Variants in GPR141 observed in about 807,000 individuals in gnomAD.
The protein encoded by GPR141 is probable G protein-coupled receptor 141.
Under a neutral mutation model 6.8 loss-of-function variants are expected in GPR141, and 6 were observed. That is an observed-to-expected ratio of 0.88 (90% CI 0.48 to 1.74). The LOEUF (loss-of-function observed/expected upper bound fraction) is 1.74, where lower values mean the gene tolerates loss of function less well. GPR141 is among the 40% of genes most tolerant of loss of function. The pLI is 0.01. For missense variants in GPR141, 372 were observed against 372.9 expected, an observed-to-expected ratio of 1.00 and a Z score of 0.02; for synonymous variants, 140 against 142.3, an observed-to-expected ratio of 0.98 and a Z score of 0.11.
At chr7:37,699,715 A>T (rs1249204979) in intron 2 of GPR141, among the ~76,000 whole-genome samples, 1 of 152,248 alleles carries the variant, frequency 6.6e-6, no homozygotes, top group Non-Finnish European at 1.5e-5. Flanking sequence ...TTGGATTTTT[A>T]AAAATGTATT....
intron 2 of GPR141, among the ~76,000 whole-genome samples, chr7:37,732,367 C>T (rs911490638): frequency 1.3e-4 from 20 of 151,718 alleles, no homozygotes; most frequent in Non-Finnish European, 2.2e-4. Context: ...TGATGAGTTG[C>T]GAGAGTCTGC....
chr7:37,712,471 G>T (rs1810847446), intron 2 of GPR141, among the ~76,000 whole-genome samples: 1 of 152,098 alleles, frequency 6.6e-6, no homozygotes. Flanking sequence ...ACTGAATATT[G>T]CTTCTGTTTG....
intron 2 of GPR141, among the ~76,000 whole-genome samples, chr7:37,719,395 C>A (rs1472626416): frequency 1.3e-5 from 2 of 152,188 alleles, no homozygotes; most frequent in Admixed American, 1.3e-4. Flanking sequence ...CAAGAAGTTT[C>A]CTGATAATGC....
At chr7:37,715,156 T>G (rs1395929406) in intron 2 of GPR141, among the ~76,000 whole-genome samples, 3 of 152,236 alleles carry the variant, frequency 2.0e-5, no homozygotes, top group Non-Finnish European at 4.4e-5. Context: ...AGTCTCACTC[T>G]GTTGCCCAGG....
intron 2 of GPR141, among the ~76,000 whole-genome samples, chr7:37,710,215 C>T (rs1178381502): frequency 6.6e-6 from 1 of 151,588 alleles, no homozygotes; most frequent in Non-Finnish European, 1.5e-5. Flanking sequence ...TTTTTTCTGC[C>T]CTTACTCTTT....
intron 2 of GPR141, among the ~76,000 whole-genome samples, chr7:37,704,799 G>A (rs927286900): frequency 3.3e-5 from 5 of 152,058 alleles, no homozygotes; most frequent in South Asian, 2.1e-4. Context: ...TCATTTACTC[G>A]CTTACCTTTC....
chr7:37,693,528 A>G (rs949425936), intron 2 of GPR141, among the ~76,000 whole-genome samples: 2 of 152,156 alleles, frequency 1.3e-5, no homozygotes, highest in Non-Finnish European at 2.9e-5. Context: ...AAACTGAACC[A>G]ATAGGCCTCA....
intron 2 of GPR141, among the ~76,000 whole-genome samples, chr7:37,691,809 T>A (rs1809783637): frequency 6.6e-6 from 1 of 152,084 alleles, no homozygotes; most frequent in Non-Finnish European, 1.5e-5. Context: ...GTGGAGTTTT[T>A]TCCCCCCCTT....
At chr7:37,696,546 C>T (rs1422943085) in intron 2 of GPR141, among the ~76,000 whole-genome samples, 1 of 151,666 alleles carries the variant, frequency 6.6e-6, no homozygotes, top group Non-Finnish European at 1.5e-5. Flanking sequence ...TTTTCCTCAG[C>T]GCGACTTGTT....
intron 2 of GPR141, among the ~76,000 whole-genome samples, chr7:37,717,382 G>T (rs1179306580): frequency 6.6e-6 from 1 of 152,188 alleles, no homozygotes; most frequent in Non-Finnish European, 1.5e-5. Flanking sequence ...AGGTTAAGAG[G>T]ATTGAGGACA....
chr7:37,691,331 G>T, intron 2 of GPR141, among the ~76,000 whole-genome samples: 1 of 124,484 alleles, frequency 8.0e-6, no homozygotes, highest in African/African-American at 3.2e-5. Context: ...GTCTCGCTCT[G>T]CTGCCCAGGC....
intron 2 of GPR141, among the ~76,000 whole-genome samples, chr7:37,717,242 A>G (rs1349531850): frequency 6.6e-6 from 1 of 152,254 alleles, no homozygotes; most frequent in East Asian, 1.9e-4. Context: ...AGAAGAATGA[A>G]AAGCTGTTTT....
In GPR141 at chr7:37,740,840, C is replaced by T. The variant is rs1317347029; in HGVS notation, c.447C>T (p.Pro149=). 3.7e-6 allele frequency: 6 copies of T among 1,614,080 alleles called. No homozygotes were observed. The highest frequency in any genetic ancestry group is 1.1e-5 in the South Asian group (1 of 91,078). The change falls in exon 3 of 3, where the codon CCC becomes CCT. Residue 149 remains proline, a synonymous_variant. Transcript: ENST00000334425. ...CGCTGGTGATTGTCATTGTGGTACC[C>T]CTGGTTGTCTCCCGGTATGGAATCC... is the stretch of plus-strand genomic sequence containing the variant. ...MWTLVIVIVV[P]LVVSRYGIHE...
intron 2 of GPR141, among the ~76,000 whole-genome samples, chr7:37,699,416 C>T (rs960344060): frequency 2.0e-5 from 3 of 152,126 alleles, no homozygotes; most frequent in Admixed American, 6.5e-5. Context: ...AAAAAATTAG[C>T]CGGGCGTGGT....
At chr7:37,691,804 G>GT (rs939013302) in intron 2 of GPR141, among the ~76,000 whole-genome samples, 1 of 151,822 alleles carries the variant, frequency 6.6e-6, no homozygotes, top group East Asian at 1.9e-4. Flanking sequence ...CTTGAGTGGA[G>GT]TTTTTTCCCC....
At chr7:37,697,200 C>T (rs1332994781) in intron 2 of GPR141, among the ~76,000 whole-genome samples, 3 of 151,748 alleles carry the variant, frequency 2.0e-5, no homozygotes, top group Non-Finnish European at 4.4e-5. Flanking sequence ...TTCCCAGATA[C>T]TTAATTACGA....
chr7:37,735,831 G>T (rs1023518621), intron 2 of GPR141, among the ~76,000 whole-genome samples: 2 of 152,154 alleles, frequency 1.3e-5, no homozygotes, highest in African/African-American at 4.8e-5. Flanking sequence ...AAATGAAATA[G>T]ATGAGAAAAT....
At chr7:37,700,847 T>A (rs1387736959) in intron 2 of GPR141, among the ~76,000 whole-genome samples, 1 of 152,168 alleles carries the variant, frequency 6.6e-6, no homozygotes, top group Non-Finnish European at 1.5e-5. Context: ...TCTTCAAATC[T>A]TCAAATCTTT....
At chr7:37,711,785 C>T (rs1810808886) in intron 2 of GPR141, among the ~76,000 whole-genome samples, 1 of 152,196 alleles carries the variant, frequency 6.6e-6, no homozygotes, top group Non-Finnish European at 1.5e-5. Flanking sequence ...TTTAGACATT[C>T]TTGAACAGGC....
Sources: allele counts gnomAD v4.1 joint callset (sites outside exome capture counted in the v4.1 genomes callset), GRCh38; gene constraint gnomAD v4.1.1; transcripts MANE v1.5; gene names NCBI Gene and HGNC (gene_info 2026-07-23, HGNC 2026-07-21).